The following NAV3 variants were observed in gnomAD, a reference collection of about 807,000 sequenced individuals.
NAV3 encodes pore membrane and/or filament interacting like protein 1.
NAV3 carries 87 observed loss-of-function variants against 244.7 expected under a neutral mutation model. The observed-to-expected ratio is 0.36, with a 90% CI of 0.30 to 0.42. NAV3 has a LOEUF of 0.42. NAV3 is among the 20% of genes least tolerant of loss of function. NAV3 has a pLI of 1.00. For missense variants in NAV3, 2,663 were observed against 2,893.3 expected, an observed-to-expected ratio of 0.92 and a Z score of 1.83; for synonymous variants, 1,126 against 1,042.2, an observed-to-expected ratio of 1.08 and a Z score of -1.55.
At chr12:78,187,852 G>A (rs982926185) in intron 31 of NAV3, among the ~76,000 whole-genome samples, 2 of 151,804 alleles carry the variant, frequency 1.3e-5, no homozygotes, top group African/African-American at 2.4e-5. Flanking sequence ...ATATGGTTCT[G>A]TTCTGTCTCT....
chr12:77,657,956 C>T (rs1193479101), intron 2 of NAV3, among the ~76,000 whole-genome samples: 11 of 152,052 alleles, frequency 7.2e-5, no homozygotes, highest in African/African-American at 2.7e-4. Flanking sequence ...TGGGATGTAT[C>T]TCAAAATAAT....
intron 18 of NAV3, among the ~76,000 whole-genome samples, chr12:78,136,933 G>T (rs1956397584): frequency 6.6e-6 from 1 of 152,130 alleles, no homozygotes; most frequent in African/African-American, 2.4e-5. Context: ...GAGGTGACTT[G>T]TTGGTTTTGT....
chr12:77,739,011 CAAAAAAAAAA>C (rs1168641355), intron 2 of NAV3, among the ~76,000 whole-genome samples: 3 of 64,068 alleles, frequency 4.7e-5, no homozygotes, highest in Admixed American at 4.6e-4. Context: ...GACTCCGTCT[CAAAAAAAAAA>C]AAAAAAAAAA....
chr12:77,949,343 T>A (rs1890659261), intron 3 of NAV3, among the ~76,000 whole-genome samples: 1 of 152,094 alleles, frequency 6.6e-6, no homozygotes, highest in South Asian at 2.1e-4. Flanking sequence ...ATTGAGGCGA[T>A]CTGTGTCCTT....
At chr12:77,602,003 C>A (rs1389590861) in intron 2 of NAV3, among the ~76,000 whole-genome samples, 1 of 151,910 alleles carries the variant, frequency 6.6e-6, no homozygotes, top group South Asian at 2.1e-4. Flanking sequence ...TTTAAATAGT[C>A]TAGTTTAAAC....
At chr12:78,162,171 T>G (rs1957570986) in intron 23 of NAV3, among the ~76,000 whole-genome samples, 1 of 152,276 alleles carries the variant, frequency 6.6e-6, no homozygotes, top group South Asian at 2.1e-4. Context: ...TAACATTTAA[T>G]CATATTTCAC....
chr12:77,725,141 T>C (rs1876819914), intron 2 of NAV3, among the ~76,000 whole-genome samples: 1 of 151,984 alleles, frequency 6.6e-6, no homozygotes, highest in Non-Finnish European at 1.5e-5. Context: ...CTTTTTTCCA[T>C]TGAGGATTTC....
intron 2 of NAV3, among the ~76,000 whole-genome samples, chr12:77,623,222 T>C (rs1871462707): frequency 6.6e-6 from 1 of 152,226 alleles, no homozygotes; most frequent in South Asian, 2.1e-4. Flanking sequence ...TGATTTTTTA[T>C]ATTAAAATTA....
At chr12:77,975,707 CAGA>C (rs1868320389) in intron 5 of NAV3, among the ~76,000 whole-genome samples, 1 of 151,998 alleles carries the variant, frequency 6.6e-6, no homozygotes, top group African/African-American at 2.4e-5. Context: ...GGGAAAGAGG[CAGA>C]AGAAGAGTAG....
At chr12:77,701,701 A>T (rs908925733) in intron 2 of NAV3, among the ~76,000 whole-genome samples, 2 of 151,928 alleles carry the variant, frequency 1.3e-5, no homozygotes, top group Non-Finnish European at 2.9e-5. Flanking sequence ...TGAGTTCAAA[A>T]TATTTTCCAG....
chr12:77,709,269 C>T (rs1875988170), intron 2 of NAV3, among the ~76,000 whole-genome samples: 1 of 152,150 alleles, frequency 6.6e-6, no homozygotes, highest in Non-Finnish European at 1.5e-5. Context: ...ATGCTAAAAA[C>T]TCTCAATAAA....
At chr12:77,900,914 T>C (rs1354494816) in intron 1 of NAV3, among the ~76,000 whole-genome samples, 1 of 152,248 alleles carries the variant, frequency 6.6e-6, no homozygotes, top group African/African-American at 2.4e-5. Context: ...GACTTTTTCA[T>C]AATAGCCATT....
At chr12:77,706,030 A>G (rs1386341050) in intron 2 of NAV3, among the ~76,000 whole-genome samples, 1 of 151,444 alleles carries the variant, frequency 6.6e-6, no homozygotes, top group African/African-American at 2.4e-5. Flanking sequence ...CATATAGTCC[A>G]TGATATCTAA....
intron 5 of NAV3, among the ~76,000 whole-genome samples, chr12:77,980,172 T>A (rs1244552752): frequency 1.3e-5 from 2 of 152,094 alleles, no homozygotes; most frequent in Non-Finnish European, 2.9e-5. Context: ...ATGGTTGGTT[T>A]CCCAAGAAAA....
chr12:77,804,564 G>A (rs573062119), intron 2 of NAV3, among the ~76,000 whole-genome samples: 3 of 152,228 alleles, frequency 2.0e-5, no homozygotes, highest in East Asian at 1.9e-4. Context: ...TGCAGTTTTG[G>A]TTACTGTAGC....
chr12:77,954,806 G>T (rs1240304095), intron 3 of NAV3, among the ~76,000 whole-genome samples: 1 of 152,120 alleles, frequency 6.6e-6, no homozygotes, highest in African/African-American at 2.4e-5. Flanking sequence ...TAAAAAATTG[G>T]AGTGTATTTC....
At chr12:78,011,216 G>C (rs1875213735) in intron 8 of NAV3, among the ~76,000 whole-genome samples, 1 of 152,132 alleles carries the variant, frequency 6.6e-6, no homozygotes, top group Admixed American at 6.6e-5. Flanking sequence ...TATTTAAAAA[G>C]TGGCAAAGTG....
chr12:77,979,952 A>T (rs1869260385), intron 5 of NAV3, among the ~76,000 whole-genome samples: 2 of 152,250 alleles, frequency 1.3e-5, no homozygotes, highest in South Asian at 2.1e-4. Flanking sequence ...CCAGTCTCAA[A>T]TCCAACTAAA....
chr12:78,175,691 A>G (rs1958191941), intron 25 of NAV3, among the ~76,000 whole-genome samples: 1 of 152,086 alleles, frequency 6.6e-6, no homozygotes, highest in Non-Finnish European at 1.5e-5. Flanking sequence ...ATAAAAAGAC[A>G]GTTAATAGCA....
Sources: gnomAD v4.1 joint callset for allele counts (sites outside exome capture counted in the v4.1 genomes callset) on GRCh38, gnomAD v4.1.1 for gene constraint, MANE v1.5 for transcripts, NCBI Gene and HGNC (gene_info 2026-07-23, HGNC 2026-07-21) for gene names.